The following ESRRG variants were observed in gnomAD, a reference collection of about 807,000 sequenced individuals.
ESRRG encodes the protein estrogen related receptor gamma, also known as estrogen-related receptor gamma.
In ESRRG, 13 loss-of-function variants were observed where a neutral mutation model predicts 44.0. The observed-to-expected ratio is 0.30, with a 90% CI of 0.19 to 0.47. The LOEUF (loss-of-function observed/expected upper bound fraction) is 0.47, where lower values mean the gene tolerates loss of function less well. Ranked by LOEUF, ESRRG falls within the 20% of genes least tolerant of loss-of-function variation. The pLI is 1.00. For missense variants in ESRRG, 395 were observed against 580.6 expected, an observed-to-expected ratio of 0.68 and a Z score of 3.29; for synonymous variants, 215 against 214.6, an observed-to-expected ratio of 1.00 and a Z score of -0.02.
intron 1 of ESRRG, among the ~76,000 whole-genome samples, chr1:216,980,862 T>A (rs2073844135): frequency 6.6e-6 from 1 of 152,184 alleles, no homozygotes; most frequent in Non-Finnish European, 1.5e-5. Context: ...AATATAGAAC[T>A]AATGTAGTTG....
intron 3 of ESRRG, among the ~76,000 whole-genome samples, chr1:216,589,903 C>CTAAAAAAAAA (rs2057357269): frequency 3.1e-5 from 1 of 32,242 alleles, no homozygotes; most frequent in African/African-American, 1.4e-4. Context: ...AACTCTGTCT[C>CTAAAAAAAAA]AAAAAAAAAA....
chr1:216,531,622 A>G (rs1426859228), intron 5 of ESRRG, among the ~76,000 whole-genome samples: 2 of 152,160 alleles, frequency 1.3e-5, no homozygotes, highest in Non-Finnish European at 2.9e-5. Context: ...CCTCAACCAT[A>G]TGAATGCAGA....
At chr1:216,766,153 G>C (rs2093064077) in intron 2 of ESRRG, among the ~76,000 whole-genome samples, 1 of 152,072 alleles carries the variant, frequency 6.6e-6, no homozygotes, top group Non-Finnish European at 1.5e-5. Context: ...CTGGGACAAA[G>C]GAACCCGGTC....
At chr1:216,617,715 T>C (rs1213062510) in intron 3 of ESRRG, among the ~76,000 whole-genome samples, 2 of 152,206 alleles carry the variant, frequency 1.3e-5, no homozygotes, top group African/African-American at 4.8e-5. Flanking sequence ...ATTAATGTTA[T>C]CTCTCTATTT....
chr1:217,124,397 A>T (rs868087897), intron 1 of ESRRG, among the ~76,000 whole-genome samples: 1 of 152,224 alleles, frequency 6.6e-6, no homozygotes, highest in Non-Finnish European at 1.5e-5. Flanking sequence ...ATGAGGAAGC[A>T]TGTGTGGCAA....
chr1:216,731,506 G>C (rs1177362651), intron 2 of ESRRG, among the ~76,000 whole-genome samples: 1 of 152,220 alleles, frequency 6.6e-6, no homozygotes, highest in South Asian at 2.1e-4. Flanking sequence ...GCAAGGCCCT[G>C]ATGAGAACAT....
intron 2 of ESRRG, among the ~76,000 whole-genome samples, chr1:216,764,722 G>T (rs976557263): frequency 6.6e-6 from 1 of 152,132 alleles, no homozygotes; most frequent in Non-Finnish European, 1.5e-5. Context: ...AAAAAAATTT[G>T]TATCCCTAAG....
At chr1:217,124,648 G>A (rs947909981) in intron 1 of ESRRG, among the ~76,000 whole-genome samples, 1 of 152,068 alleles carries the variant, frequency 6.6e-6, no homozygotes, top group Non-Finnish European at 1.5e-5. Flanking sequence ...CACTTGCCAG[G>A]TCACTTTGTT....
intron 6 of ESRRG, among the ~76,000 whole-genome samples, chr1:216,516,593 A>C (rs1024451956): frequency 7.5e-5 from 11 of 146,222 alleles, no homozygotes; most frequent in Non-Finnish European, 1.5e-4. Context: ...TTTTTGCACA[A>C]AAAGTTACTT....
intron 1 of ESRRG, among the ~76,000 whole-genome samples, chr1:217,048,775 C>T (rs550830656): frequency 3.3e-5 from 5 of 152,128 alleles, no homozygotes; most frequent in South Asian, 2.1e-4. Context: ...AAAATGAAGA[C>T]TTCAACATTT....
intron 6 of ESRRG, among the ~76,000 whole-genome samples, chr1:216,507,524 C>T (rs2041504571): frequency 6.6e-6 from 1 of 152,162 alleles, no homozygotes; most frequent in Non-Finnish European, 1.5e-5. Context: ...TTCATTCACT[C>T]AATAAACAAC....
intron 2 of ESRRG, among the ~76,000 whole-genome samples, chr1:216,669,386 C>A (rs994109352): frequency 6.6e-6 from 1 of 152,228 alleles, no homozygotes; most frequent in African/African-American, 2.4e-5. Flanking sequence ...TTAGGACACC[C>A]ATTCATATAG....
At chr1:216,649,929 T>C (rs1486121698) in intron 3 of ESRRG, among the ~76,000 whole-genome samples, 2 of 152,168 alleles carry the variant, frequency 1.3e-5, no homozygotes, top group Non-Finnish European at 2.9e-5. Context: ...TGTGAGCCTA[T>C]TTGGATTTAA....
At chr1:217,051,831 T>G (rs2086103556) in intron 1 of ESRRG, among the ~76,000 whole-genome samples, 1 of 152,150 alleles carries the variant, frequency 6.6e-6, no homozygotes, top group African/African-American at 2.4e-5. Context: ...AGCACAATCA[T>G]AGCTCACTGC....
chr1:217,059,096 C>T (rs1329042199), intron 1 of ESRRG, among the ~76,000 whole-genome samples: 1 of 149,152 alleles, frequency 6.7e-6, no homozygotes, highest in Admixed American at 6.7e-5. Flanking sequence ...AGGGATCAAA[C>T]CTGAGTGTGA....
chr1:216,681,402 T>A (rs1432831706), intron 1 of ESRRG, among the ~76,000 whole-genome samples: 1 of 152,134 alleles, frequency 6.6e-6, no homozygotes, highest in African/African-American at 2.4e-5. Context: ...CATTAACTCG[T>A]CATTTACATT....
In ESRRG at chr1:216,539,726, T is replaced by A. The variant is rs116075890; in HGVS notation, c.863-20305A>T. Among the ~76,000 whole-genome samples the A allele has an allele frequency of 3.3e-3, 498 of 152,156 alleles. 3 individuals carry two copies. Among genetic ancestry groups the A allele is most frequent in the South Asian group, 0.014 (69 of 4,822 alleles). ...TCTATAAAATATTTGAAAAAATGAA[T>A]GAAGAGATGAATGACAATATGCACA... On this transcript the variant is annotated intron_variant, in intron 5 of 6. Transcript: ENST00000408911.
At chr1:216,604,748 C>A (rs2059702857) in intron 3 of ESRRG, among the ~76,000 whole-genome samples, 1 of 152,172 alleles carries the variant, frequency 6.6e-6, no homozygotes, top group African/African-American at 2.4e-5. Flanking sequence ...CACGCCCTAA[C>A]CACCCTGCAT....
At chr1:217,125,306 G>A (rs541335982) in intron 1 of ESRRG, among the ~76,000 whole-genome samples, 1 of 152,296 alleles carries the variant, frequency 6.6e-6, no homozygotes, top group East Asian at 1.9e-4. Flanking sequence ...GAAGGATGCT[G>A]TGATAAATCT....
Sources: gnomAD v4.1 joint callset for allele counts (sites outside exome capture counted in the v4.1 genomes callset) on GRCh38, gnomAD v4.1.1 for gene constraint, MANE v1.5 for transcripts, NCBI Gene and HGNC (gene_info 2026-07-23, HGNC 2026-07-21) for gene names.